The following OR56A3 variants were observed in gnomAD, a reference collection of about 807,000 sequenced individuals.
The protein encoded by OR56A3 is olfactory receptor 56A3.
Under a neutral mutation model 17.5 loss-of-function variants are expected in OR56A3, and 23 were observed. The ratio of observed to expected loss-of-function variants is 1.32; its 90% CI spans 0.95 to 1.87. The LOEUF is 1.87. Among genes scored for constraint, OR56A3 ranks in the 40% most tolerant of loss-of-function variants. OR56A3 has a pLI of 0.00. For missense variants in OR56A3, 366 were observed against 380.1 expected (o/e 0.96, Z 0.31); for synonymous variants, 175 against 150.6 (o/e 1.16, Z -1.19).
the OR56A3 span, among the ~76,000 whole-genome samples, chr11:6,005,891 C>G: frequency 2.6e-5 from 4 of 152,282 alleles, no homozygotes; most frequent in African/African-American, 9.6e-5. Context: ...GTTAGGATTT[C>G]AACATATGAA....
chr11:6,002,925 A>T, the OR56A3 span: 2 of 1,613,878 alleles, frequency 1.2e-6, no homozygotes, highest in Non-Finnish European at 1.7e-6. Flanking sequence ...CCAGCTCTGG[A>T]AGTTGGGGAA....
chr11:6,009,704 G>A, the OR56A3 span, among the ~76,000 whole-genome samples: 1,567 of 152,132 alleles, frequency 0.01, 13 homozygotes, highest in Middle Eastern at 0.024. Context: ...TGTCTTTGGG[G>A]TTTTGGATGT....
the OR56A3 span, among the ~76,000 whole-genome samples, chr11:5,997,411 T>C: frequency 1.3e-5 from 2 of 152,204 alleles, no homozygotes; most frequent in African/African-American, 4.8e-5. Flanking sequence ...TGTGACTGTT[T>C]AATGCACCAT....
the OR56A3 span, among the ~76,000 whole-genome samples, chr11:5,993,162 T>C: frequency 2.0e-5 from 3 of 152,168 alleles, no homozygotes; most frequent in Admixed American, 1.3e-4. Context: ...AAAGGATTGT[T>C]AAAATTTGCG....
the OR56A3 span, chr11:6,002,583 G>C: frequency 1.2e-6 from 2 of 1,614,232 alleles, no homozygotes; most frequent in East Asian, 2.2e-5. Flanking sequence ...AGTGATGATA[G>C]ACGGGTATCT....
At chr11:6,002,615 A>T in the OR56A3 span, 1 of 1,614,230 alleles carries the variant, frequency 6.2e-7, no homozygotes, top group Non-Finnish European at 8.5e-7. Flanking sequence ...AGATGGCCAC[A>T]TAACGGTCAT....
At chr11:5,995,259 T>C in the OR56A3 span, among the ~76,000 whole-genome samples, 1 of 152,232 alleles carries the variant, frequency 6.6e-6, no homozygotes, top group Non-Finnish European at 1.5e-5. Context: ...CTATTTTGTA[T>C]TATTCATTCT....
At chr11:5,985,936 T>C in the OR56A3 span, 3 of 1,597,834 alleles carry the variant, frequency 1.9e-6, no homozygotes, top group Admixed American at 1.7e-5. Context: ...GAGAATATGT[T>C]CAGATCAATC....
chr11:5,942,741 G>A (rs1847846405), intron 1 of OR56A3, among the ~76,000 whole-genome samples: 1 of 152,256 alleles, frequency 6.6e-6, no homozygotes, highest in South Asian at 2.1e-4. Flanking sequence ...GACAAGAACA[G>A]AAAACTACGC....
the OR56A3 span, among the ~76,000 whole-genome samples, chr11:5,962,682 G>A: frequency 2.0e-5 from 3 of 152,034 alleles, no homozygotes; most frequent in Non-Finnish European, 2.9e-5. Context: ...GGGACTACAG[G>A]CGCCTGCCAC....
chr11:5,949,328 A>C lies in OR56A3; in HGVS notation c.*1034A>C, dbSNP rs1847894707. ...CTGTAGAGCAGTGAGGAATGGGATAAAAGATATGTATGGGCAGTAAGATAC... is the reference window on the plus strand; with the variant it reads ...CTGTAGAGCAGTGAGGAATGGGATACAAGATATGTATGGGCAGTAAGATAC... On this transcript the variant is annotated 3_prime_UTR_variant, in exon 3 of 3. Coordinates refer to ENST00000641160, the MANE Select transcript of OR56A3 (RefSeq NM_001003443.3). 1 of 152,222 alleles carries C rather than the reference A, an allele frequency of 6.6e-6. No homozygotes were observed. Among genetic ancestry groups the C allele is most frequent in the East Asian group, 1.9e-4 (1 of 5,200 alleles). 9.4% of individuals were successfully genotyped at this position (152,222 alleles called of 1,614,324 possible).
the OR56A3 span, among the ~76,000 whole-genome samples, chr11:5,971,175 C>A: frequency 3.9e-3 from 590 of 152,290 alleles, 7 homozygotes; most frequent in African/African-American, 0.014. Context: ...GAGGGATACT[C>A]CTGATTCACC....
the OR56A3 span, among the ~76,000 whole-genome samples, chr11:5,972,105 C>A: frequency 6.6e-6 from 1 of 152,174 alleles, no homozygotes; most frequent in African/African-American, 2.4e-5. Context: ...CCAGCTTTTG[C>A]CCTAAGCCTC....
chr11:5,942,846 C>T (rs541863011), intron 1 of OR56A3, among the ~76,000 whole-genome samples: 1 of 152,354 alleles, frequency 6.6e-6, no homozygotes, highest in East Asian at 1.9e-4. Context: ...CTGAATTTTA[C>T]CAAGATAGAA....
At chr11:5,986,332 A>G in the OR56A3 span, 2 of 1,613,928 alleles carry the variant, frequency 1.2e-6, no homozygotes, top group East Asian at 2.2e-5. Flanking sequence ...CACAACAGCC[A>G]TATGTTCACA....
chr11:6,008,993 T>C, the OR56A3 span, among the ~76,000 whole-genome samples: 1 of 152,238 alleles, frequency 6.6e-6, no homozygotes, highest in Non-Finnish European at 1.5e-5. Context: ...CACAATTTAC[T>C]GATGTAGAAT....
At chr11:5,993,452 A>G in the OR56A3 span, among the ~76,000 whole-genome samples, 21 of 152,126 alleles carry the variant, frequency 1.4e-4, no homozygotes, top group Admixed American at 3.3e-4. Flanking sequence ...CATTTTTTTC[A>G]TCAACAATGG....
At chr11:5,953,431 T>C (rs1847918384), downstream of OR56A3, among the ~76,000 whole-genome samples, 1 of 152,234 alleles carries the variant, frequency 6.6e-6, no homozygotes, top group Admixed American at 6.5e-5. Context: ...CATACTTTGC[T>C]GGACATTTGT....
chr11:5,979,539 C>T, the OR56A3 span, among the ~76,000 whole-genome samples: 6 of 151,834 alleles, frequency 4.0e-5, no homozygotes, highest in Non-Finnish European at 7.4e-5. Context: ...GAAAACTTTC[C>T]GTATTTTTGT....
Sources: allele counts gnomAD v4.1 joint callset (sites outside exome capture counted in the v4.1 genomes callset), GRCh38; gene constraint gnomAD v4.1.1; transcripts MANE v1.5; gene names NCBI Gene and HGNC (gene_info 2026-07-23, HGNC 2026-07-21).